The following ADAMTS17 variants were observed in gnomAD, a reference collection of about 807,000 sequenced individuals.
ADAMTS17 encodes ADAM metallopeptidase with thrombospondin type 1 motif 17, also known as A disintegrin and metalloproteinase with thrombospondin motifs 17.
A neutral mutation model predicts 141.5 loss-of-function variants in ADAMTS17; 113 were observed. The observed-to-expected ratio is 0.80, with a 90% confidence interval of 0.69 to 0.93. The LOEUF (loss-of-function observed/expected upper bound fraction) is 0.93. ADAMTS17 is among the 40% of genes least tolerant of loss of function. The pLI, the probability that ADAMTS17 is intolerant of heterozygous loss-of-function variation, is 0.00. For missense variants in ADAMTS17, 1,659 were observed against 1,517.9 expected (o/e 1.09, Z -1.54); for synonymous variants, 768 against 630.6 (o/e 1.22, Z -3.27).
intron 8 of ADAMTS17, among the ~76,000 whole-genome samples, chr15:100,198,134 G>C (rs886963018): frequency 1.3e-5 from 2 of 152,012 alleles, no homozygotes; most frequent in African/African-American, 2.4e-5. Context: ...TAACAAACCT[G>C]CACATTCTGC....
intron 14 of ADAMTS17, among the ~76,000 whole-genome samples, chr15:100,099,635 G>C (rs1036959169): frequency 6.6e-6 from 1 of 152,132 alleles, no homozygotes; most frequent in East Asian, 1.9e-4. Flanking sequence ...TCAAGTTCCT[G>C]GCCAGCATTT....
At position 99,973,978 on chromosome 15, in the gene ADAMTS17, T is replaced by C; in HGVS notation, c.*424A>G. The C allele has an allele frequency of 5.3e-6, 1 of 187,396 alleles. No homozygotes were observed. 11.6% of individuals were successfully genotyped at this position (187,396 alleles called of 1,614,324 possible). On this transcript the variant is annotated 3_prime_UTR_variant, in exon 22 of 22. Transcript: ENST00000268070. ...AACACCTGCCCCTCCCTCCATGGTG[T>C]CGCCGGCTTTCAGAATAAAGCCTTT...
chr15:100,039,106 C>T (rs545850051), intron 18 of ADAMTS17, among the ~76,000 whole-genome samples: 1 of 152,292 alleles, frequency 6.6e-6, no homozygotes, highest in Admixed American at 6.5e-5. Context: ...TTCCTGCTTT[C>T]GTTCTTTAAT....
intron 11 of ADAMTS17, 41 bp from the exon 12 acceptor site, chr15:100,132,193 A>C: frequency 6.2e-7 from 1 of 1,602,800 alleles, no homozygotes; most frequent in Non-Finnish European, 8.5e-7. Context: ...GGCACTCAGC[A>C]GAGCTGCTCA....
chr15:100,006,867 G>C (rs60665869), intron 18 of ADAMTS17, among the ~76,000 whole-genome samples: 5,484 of 152,256 alleles, frequency 0.036, 340 homozygotes, highest in African/African-American at 0.12. Context: ...CATACAACAT[G>C]GCAGCATAAA....
At chr15:100,210,093 G>T (rs2041745199) in intron 7 of ADAMTS17, among the ~76,000 whole-genome samples, 1 of 151,800 alleles carries the variant, frequency 6.6e-6, no homozygotes, top group Non-Finnish European at 1.5e-5. Flanking sequence ...AATTAGCCGG[G>T]CATAGTGGGC....
intron 15 of ADAMTS17, among the ~76,000 whole-genome samples, chr15:100,060,042 G>A (rs1190400567): frequency 2.0e-5 from 3 of 152,194 alleles, no homozygotes; most frequent in African/African-American, 7.2e-5. Context: ...AGCACTCCAT[G>A]GGGCAATTAA....
chr15:100,211,321 G>GTT (rs1567361898), intron 7 of ADAMTS17, among the ~76,000 whole-genome samples: 4 of 137,916 alleles, frequency 2.9e-5, no homozygotes, highest in South Asian at 2.2e-4. Flanking sequence ...AAAAAAAAAA[G>GTT]TTAGAAGAGC....
In ADAMTS17 at chr15:99,993,949, G is replaced by A. The variant is rs190958837; in HGVS notation, c.2797-749C>T. On this transcript the variant is annotated intron_variant, in intron 19 of 21. Coordinates refer to ENST00000268070, the MANE Select transcript of ADAMTS17 (RefSeq NM_139057.4). The surrounding 1 kb of genome is among the most constrained non-coding windows in gnomAD (Gnocchi z 4.3). The stretch of plus-strand genomic sequence containing the variant: ...GTTCAGGATTCCCAGCAGCAAGAAG[G>A]AGCGAAGAGGCAGGGGGCATGACAG... Among the ~76,000 whole-genome samples the A allele has an allele frequency of 5.6e-4, 85 of 152,290 alleles. No individual in the cohort carries two copies. Among genetic ancestry groups the A allele is most frequent in the African/African-American group, 1.9e-3 (79 of 41,558 alleles).
intron 4 of ADAMTS17, among the ~76,000 whole-genome samples, chr15:100,265,849 G>A (rs2043695678): frequency 6.6e-6 from 1 of 152,214 alleles, no homozygotes; most frequent in Admixed American, 6.5e-5. Context: ...GGCACTTGTT[G>A]GAAATGCACA....
intron 10 of ADAMTS17, among the ~76,000 whole-genome samples, chr15:100,145,963 A>C (rs2141315085): frequency 6.6e-6 from 1 of 152,340 alleles, no homozygotes; most frequent in East Asian, 1.9e-4. Flanking sequence ...ACTTGAGGTC[A>C]GGAGTTCGTG....
intron 7 of ADAMTS17, among the ~76,000 whole-genome samples, chr15:100,221,276 CACT>C (rs2042125330): frequency 7.8e-6 from 1 of 127,706 alleles, no homozygotes; most frequent in African/African-American, 3.5e-5. Context: ...CAATAAACTT[CACT>C]TTTTTTTTTT....
intron 18 of ADAMTS17, among the ~76,000 whole-genome samples, chr15:99,999,564 T>A (rs2060877279): frequency 6.6e-6 from 1 of 151,058 alleles, no homozygotes; most frequent in South Asian, 2.1e-4. Context: ...GGGGAAAGGA[T>A]GGGATTTGGG....
intron 10 of ADAMTS17, among the ~76,000 whole-genome samples, chr15:100,143,593 G>C (rs180972201): frequency 6.6e-6 from 1 of 152,358 alleles, no homozygotes; most frequent in East Asian, 1.9e-4. Flanking sequence ...ACAAATGCCA[G>C]TTGTTGATGC....
chr15:100,109,850 A>C (rs1388964086), intron 13 of ADAMTS17, among the ~76,000 whole-genome samples: 1 of 151,934 alleles, frequency 6.6e-6, no homozygotes, highest in Non-Finnish European at 1.5e-5. Flanking sequence ...CTGCCCTGGA[A>C]GCTTCCACCC....
At chr15:100,300,495 C>T (rs77716430) in intron 3 of ADAMTS17, among the ~76,000 whole-genome samples, 9,007 of 152,232 alleles carry the variant, frequency 0.059, 323 homozygotes, top group South Asian at 0.085. Context: ...TCCAATGCCC[C>T]CACTGGATTA....
intron 8 of ADAMTS17, among the ~76,000 whole-genome samples, chr15:100,161,849 T>C (rs1191125162): frequency 2.0e-5 from 3 of 152,112 alleles, no homozygotes; most frequent in South Asian, 2.1e-4. Flanking sequence ...ACAAAACAAA[T>C]AGGCAGCAAT....
At position 100,071,578 on chromosome 15, in the gene ADAMTS17, T is replaced by A. The variant is rs193154178; in HGVS notation, c.2138-17524A>T. On this transcript the variant is annotated intron_variant, in intron 15 of 21. Transcript: ENST00000268070. Reference sequence around the variant, plus strand: ...ATCCACCACAATCAAGTTGGCTTCATCCCTAGGATGCAAGGCTGGTTCAAC... The same window carrying A: ...ATCCACCACAATCAAGTTGGCTTCAACCCTAGGATGCAAGGCTGGTTCAAC... Among the ~76,000 whole-genome samples, 169 of 150,488 alleles carry A rather than the reference T, an allele frequency of 1.1e-3. 10 individuals carry two copies. The highest frequency in any genetic ancestry group is 1.9e-3 in the Non-Finnish European group (126 of 67,568).
At chr15:100,229,178 G>A (rs1432216191) in intron 7 of ADAMTS17, among the ~76,000 whole-genome samples, 1 of 152,092 alleles carries the variant, frequency 6.6e-6, no homozygotes, top group African/African-American at 2.4e-5. Context: ...AGGTGCTGAG[G>A]AGCCAGCACA....
Sources: allele counts gnomAD v4.1 joint callset (sites outside exome capture counted in the v4.1 genomes callset), GRCh38; gene constraint gnomAD v4.1.1; non-coding constraint Gnocchi (gnomAD v3.1); transcripts MANE v1.5; gene names NCBI Gene and HGNC (gene_info 2026-07-23, HGNC 2026-07-21).